ARK2C: variants seen among roughly 807,000 people sequenced by gnomAD.
ARK2C encodes the protein E3 ubiquitin-protein ligase ARK2C.
the ARK2C span, among the ~76,000 whole-genome samples, chr18:46,356,778 C>T: frequency 6.6e-6 from 1 of 152,202 alleles, no homozygotes; most frequent in Non-Finnish European, 1.5e-5. Context: ...ACCGTGTCAC[C>T]TCTTCTCCCC....
At chr18:46,434,335 C>G in the ARK2C span, among the ~76,000 whole-genome samples, 924 of 152,172 alleles carry the variant, frequency 6.1e-3, 3 homozygotes, top group Non-Finnish European at 9.0e-3. Flanking sequence ...TTTATTAATT[C>G]TCTTAAAAAT....
chr18:46,385,713 C>T, the ARK2C span: 6 of 152,334 alleles, frequency 3.9e-5, no homozygotes, highest in East Asian at 7.7e-4. Context: ...CTGTGCCCCT[C>T]CCCAGCCTCT....
the ARK2C span, among the ~76,000 whole-genome samples, chr18:46,390,573 GA>G: frequency 4.2e-4 from 64 of 151,954 alleles, no homozygotes; most frequent in African/African-American, 1.3e-3. Context: ...AGCTTTGTGT[GA>G]AAAAAAATAC....
chr18:46,347,262 G>A, the ARK2C span, among the ~76,000 whole-genome samples: 3 of 152,170 alleles, frequency 2.0e-5, no homozygotes, highest in East Asian at 1.9e-4. Flanking sequence ...TGTCACCCTC[G>A]TCTGAATTTT....
At chr18:46,334,313 G>A in the ARK2C span, 6 of 1,586,006 alleles carry the variant, frequency 3.8e-6, no homozygotes, top group Non-Finnish European at 5.1e-6. The surrounding 1 kb of genome is among the most constrained non-coding windows in gnomAD (Gnocchi z 4.4). Flanking sequence ...TGCTTCCAGT[G>A]TTTGGCTCTG....
chr18:46,343,986 C>T, the ARK2C span, among the ~76,000 whole-genome samples: 3 of 152,256 alleles, frequency 2.0e-5, no homozygotes, highest in Non-Finnish European at 2.9e-5. Context: ...CCGGATGCTG[C>T]TGCTTCCTCC....
At chr18:46,373,124 C>G in the ARK2C span, among the ~76,000 whole-genome samples, 1 of 152,234 alleles carries the variant, frequency 6.6e-6, no homozygotes, top group Non-Finnish European at 1.5e-5. Context: ...GCTCTCTCAT[C>G]CCTCTCATCA....
chr18:46,411,068 C>T, the ARK2C span, among the ~76,000 whole-genome samples: 11 of 152,332 alleles, frequency 7.2e-5, no homozygotes, highest in East Asian at 7.7e-4. Flanking sequence ...AGGTAAGACA[C>T]GCCTGATGGA....
At chr18:46,415,480 C>T in the ARK2C span, among the ~76,000 whole-genome samples, 1 of 151,476 alleles carries the variant, frequency 6.6e-6, no homozygotes, top group Non-Finnish European at 1.5e-5. Flanking sequence ...GAGCCGAGAT[C>T]GTGCCACTGT....
the ARK2C span, among the ~76,000 whole-genome samples, chr18:46,340,142 T>G: frequency 6.6e-6 from 1 of 152,324 alleles, no homozygotes; most frequent in African/African-American, 2.4e-5. Context: ...CTAAACAGCT[T>G]TGTAAAAATT....
At chr18:46,391,935 ACAC>A in the ARK2C span, among the ~76,000 whole-genome samples, 1 of 151,672 alleles carries the variant, frequency 6.6e-6, no homozygotes, top group Non-Finnish European at 1.5e-5. Flanking sequence ...TACACCATGC[ACAC>A]AACACACACG....
the ARK2C span, chr18:46,433,555 G>GGGGCAGGGCCAGGGCGT: frequency 4.0e-6 from 6 of 1,502,174 alleles, no homozygotes; most frequent in East Asian, 2.3e-5. Flanking sequence ...GTCGGGTGAG[G>GGGGCAGGGCCAGGGCGT]GGGCAGGGCC....
At chr18:46,336,393 AT>A in the ARK2C span, 1 of 983,532 alleles carries the variant, frequency 1.0e-6, no homozygotes, top group Non-Finnish European at 1.2e-6. Context: ...ACAAAAAAAA[AT>A]CCAACAACAC....
chr18:46,409,263 C>T, the ARK2C span, among the ~76,000 whole-genome samples: 2 of 152,106 alleles, frequency 1.3e-5, no homozygotes, highest in African/African-American at 2.4e-5. Context: ...TATGAGATAC[C>T]TTTGCCAGGA....
the ARK2C span, among the ~76,000 whole-genome samples, chr18:46,380,544 G>A: frequency 5.0e-3 from 761 of 152,318 alleles, 7 homozygotes; most frequent in African/African-American, 0.017. Context: ...TGACCCAGGC[G>A]CTTGCGTTTC....
chr18:46,360,407 GT>G, the ARK2C span, among the ~76,000 whole-genome samples: 1 of 152,230 alleles, frequency 6.6e-6, no homozygotes, highest in Non-Finnish European at 1.5e-5. Flanking sequence ...TGGACAAGCA[GT>G]TTTACTGCCT....
At chr18:46,450,652 T>C in the ARK2C span, 1 of 1,372,226 alleles carries the variant, frequency 7.3e-7, no homozygotes, top group Non-Finnish European at 1.0e-6. Flanking sequence ...CCTGTGTGCA[T>C]GTGGGCATTT....
the ARK2C span, among the ~76,000 whole-genome samples, chr18:46,394,389 G>T: frequency 6.6e-6 from 1 of 152,134 alleles, no homozygotes; most frequent in African/African-American, 2.4e-5. Flanking sequence ...AATTGTGACG[G>T]GGTTCACTCT....
At chr18:46,412,385 T>C in the ARK2C span, among the ~76,000 whole-genome samples, 2 of 152,250 alleles carry the variant, frequency 1.3e-5, no homozygotes, top group East Asian at 3.9e-4. Flanking sequence ...CAGGCAAACA[T>C]GTCCCTGCCA....
Sources: gnomAD v4.1 joint callset for allele counts (sites outside exome capture counted in the v4.1 genomes callset) on GRCh38, gnomAD v4.1.1 for gene constraint, Gnocchi (gnomAD v3.1) non-coding constraint, MANE v1.5 for transcripts, NCBI Gene and HGNC (gene_info 2026-07-23, HGNC 2026-07-21) for gene names.